Variants in TINAG observed in about 807,000 individuals in gnomAD.
TINAG encodes tubulointerstitial nephritis antigen.
A neutral mutation model predicts 72.7 loss-of-function variants in TINAG; 83 were observed. That is an observed-to-expected ratio of 1.14 (90% CI 0.96 to 1.37). TINAG has a LOEUF of 1.37. TINAG is among the 40% of genes most tolerant of loss of function. The pLI is 0.00. For missense variants in TINAG, 685 were observed against 576.6 expected (o/e 1.19, Z -1.93); for synonymous variants, 234 against 189.9 (o/e 1.23, Z -1.91).
chr6:54,340,076 T>C (rs1003684355), intron 4 of TINAG, among the ~76,000 whole-genome samples: 3 of 152,216 alleles, frequency 2.0e-5, no homozygotes, highest in Non-Finnish European at 2.9e-5. Flanking sequence ...AATGCAAATG[T>C]TATACAATTC....
chr6:54,361,801 A>T lies in TINAG; in HGVS notation c.1250+7165A>T, dbSNP rs191203606. On this transcript the variant is annotated intron_variant, in intron 9 of 10. Coordinates refer to ENST00000259782, the MANE Select transcript of TINAG (RefSeq NM_014464.4). ...ACCTTGAAGGAAGTTAAAAGTGCTA[A>T]TCCAACAAATATACAAATATTAAGA... 1.8e-4 allele frequency among the ~76,000 whole-genome samples: 28 copies of T among 151,846 alleles called. No homozygotes were observed. The East Asian group carries it at 5.5e-3, about 30-fold the overall frequency.
intron 4 of TINAG, among the ~76,000 whole-genome samples, chr6:54,330,100 T>C (rs1784702021): frequency 6.6e-6 from 1 of 152,088 alleles, no homozygotes; most frequent in Non-Finnish European, 1.5e-5. Context: ...GGACTTGAAC[T>C]CAGTTGTGGA....
intron 9 of TINAG, among the ~76,000 whole-genome samples, chr6:54,356,076 C>T (rs996737797): frequency 6.6e-6 from 1 of 151,864 alleles, no homozygotes; most frequent in Non-Finnish European, 1.5e-5. Flanking sequence ...TTTAATTACT[C>T]AGCATCACTG....
intron 4 of TINAG, among the ~76,000 whole-genome samples, chr6:54,336,122 C>G (rs1010359392): frequency 2.0e-5 from 3 of 152,038 alleles, no homozygotes; most frequent in Non-Finnish European, 4.4e-5. Context: ...TCACTTATTA[C>G]CTCAGTCTCC....
chr6:54,349,978 CTAAT>C, intron 7 of TINAG, 82 bp downstream of exon 7: 1 of 818,962 alleles, frequency 1.2e-6, no homozygotes, highest in East Asian at 3.4e-5. Flanking sequence ...AATTTAAAAA[CTAAT>C]TAAAACTATT....
chr6:54,356,842 A>G (rs1763056093), intron 9 of TINAG, among the ~76,000 whole-genome samples: 1 of 151,726 alleles, frequency 6.6e-6, no homozygotes, highest in Non-Finnish European at 1.5e-5. Flanking sequence ...GACATGCAGA[A>G]GCAATTTCTC....
chr6:54,354,505 T>C lies in TINAG; in HGVS notation c.1127-8T>C. The C allele has an allele frequency of 1.3e-6, 2 of 1,594,224 alleles. No homozygotes were observed. Among genetic ancestry groups the C allele is most frequent in the Non-Finnish European group, 1.7e-6 (2 of 1,173,110 alleles). On this transcript the variant is annotated splice_region_variant and splice_polypyrimidine_tract_variant and intron_variant, in intron 8 of 10. Coordinates refer to ENST00000259782, the MANE Select transcript of TINAG (RefSeq NM_014464.4). ...CTGTGCCATTTGTTCTGTTGGATTT[T>C]ATTTTAGCCATAATGCAAGTCCGTG...
chr6:54,319,502 C>T lies in TINAG; in HGVS notation c.356-1077C>T, dbSNP rs575559431. Among the ~76,000 whole-genome samples, 3 of 152,030 alleles carry T rather than the reference C, an allele frequency of 2.0e-5. No homozygotes were observed. In the South Asian group the frequency reaches 6.3e-4, roughly 32 times the overall value. The stretch of plus-strand genomic sequence containing the variant: ...ACCAAAATTCCATATGAAAGGGATG[C>T]CTAGACGTAAATACATAAATAATTA... On this transcript the variant is annotated intron_variant, in intron 1 of 10. Transcript: ENST00000259782.
chr6:54,343,367 A>T lies in TINAG; in HGVS notation c.748+18A>T. 1 of 1,500,576 alleles carries T rather than the reference A, an allele frequency of 6.7e-7. No individual in the cohort carries two copies. Among genetic ancestry groups the T allele is most frequent in the Non-Finnish European group, 8.9e-7 (1 of 1,120,604 alleles). 93.0% of individuals were successfully genotyped at this position (1,500,576 alleles called of 1,614,324 possible). Reference sequence around the variant, plus strand: ...CACTGCAAGTAATAAAGTCATTTTAATTCCTTCCTTATAAACTACTCCTTT... The same window carrying T: ...CACTGCAAGTAATAAAGTCATTTTATTTCCTTCCTTATAAACTACTCCTTT... On this transcript the variant is annotated intron_variant, in intron 5 of 10. Transcript: ENST00000259782.
intron 4 of TINAG, among the ~76,000 whole-genome samples, chr6:54,332,069 T>C (rs1473211481): frequency 2.0e-5 from 3 of 152,188 alleles, no homozygotes; most frequent in Non-Finnish European, 4.4e-5. Context: ...TTCCATGCTA[T>C]TCCCATCAAG....
chr6:54,321,766 A>G (rs1784496338), intron 3 of TINAG, among the ~76,000 whole-genome samples: 1 of 152,146 alleles, frequency 6.6e-6, no homozygotes, highest in South Asian at 2.1e-4. Context: ...CTTAGCTATC[A>G]TGGGTAGAAT....
intron 10 of TINAG, among the ~76,000 whole-genome samples, chr6:54,388,893 G>A (rs1764173331): frequency 6.6e-6 from 1 of 151,376 alleles, no homozygotes; most frequent in African/African-American, 2.4e-5. Flanking sequence ...TTATCCAATT[G>A]AATTATTACA....
chr6:54,357,267 C>T (rs1214559512), intron 9 of TINAG, among the ~76,000 whole-genome samples: 1 of 151,834 alleles, frequency 6.6e-6, no homozygotes, highest in African/African-American at 2.4e-5. Context: ...GCCCTAGTCT[C>T]AGGTCTTGTT....
intron 3 of TINAG, among the ~76,000 whole-genome samples, chr6:54,322,256 C>T (rs955339973): frequency 6.6e-6 from 1 of 151,746 alleles, no homozygotes; most frequent in African/African-American, 2.4e-5. Context: ...TGCAGTGAGC[C>T]GAGATTGCGC....
intron 9 of TINAG, among the ~76,000 whole-genome samples, chr6:54,356,925 A>AG (rs1763061017): frequency 6.6e-6 from 1 of 150,956 alleles, no homozygotes; most frequent in East Asian, 2.0e-4. Flanking sequence ...GATTAAAAAA[A>AG]AAAACCTCAG....
At chr6:54,339,929 G>A (rs1704531595) in intron 4 of TINAG, among the ~76,000 whole-genome samples, 1 of 152,064 alleles carries the variant, frequency 6.6e-6, no homozygotes, top group Non-Finnish European at 1.5e-5. Flanking sequence ...TGCACATAGA[G>A]GATATTGTGT....
At chr6:54,335,504 T>A (rs1384837524) in intron 4 of TINAG, among the ~76,000 whole-genome samples, 2 of 152,170 alleles carry the variant, frequency 1.3e-5, no homozygotes, top group Non-Finnish European at 2.9e-5. Context: ...GGCATGGTAG[T>A]TAGGACTAAA....
intron 4 of TINAG, among the ~76,000 whole-genome samples, chr6:54,327,859 G>T (rs1784644666): frequency 6.6e-6 from 1 of 152,098 alleles, no homozygotes; most frequent in Admixed American, 6.5e-5. Flanking sequence ...TGGAAGTTCA[G>T]ACTGGGTGGA....
intron 9 of TINAG, among the ~76,000 whole-genome samples, chr6:54,355,943 G>C (rs547015053): frequency 6.6e-6 from 1 of 151,892 alleles, no homozygotes; most frequent in African/African-American, 2.4e-5. Context: ...TTTTTGAAAA[G>C]GAAAATTTTG....
Sources: gnomAD v4.1 joint callset for allele counts (sites outside exome capture counted in the v4.1 genomes callset) on GRCh38, gnomAD v4.1.1 for gene constraint, MANE v1.5 for transcripts, NCBI Gene and HGNC (gene_info 2026-07-23, HGNC 2026-07-21) for gene names.